The following TMPRSS6 variants were observed in gnomAD, a reference collection of about 807,000 sequenced individuals.
TMPRSS6 encodes transmembrane serine protease 6.
Under a neutral mutation model 101.5 loss-of-function variants are expected in TMPRSS6, and 67 were observed. That is an observed-to-expected ratio of 0.66 (90% CI 0.54 to 0.81). The LOEUF (loss-of-function observed/expected upper bound fraction) is 0.81. TMPRSS6 is among the 30% of genes least tolerant of loss of function. TMPRSS6 has a pLI of 0.00. For synonymous variants in TMPRSS6, 453 were observed against 464.9 expected, an observed-to-expected ratio of 0.97 and a Z score of 0.33; for missense variants, 1,034 against 1,088.7, an observed-to-expected ratio of 0.95 and a Z score of 0.71.
At chr22:37,070,775 G>T in intron 14 of TMPRSS6, 123 bp from the exon 15 acceptor site, 2 of 1,283,426 alleles carry the variant, frequency 1.6e-6, no homozygotes, top group Non-Finnish European at 2.2e-6. Flanking sequence ...GAGGGGGAGA[G>T]ACCATCAGGA....
Position 37,086,298 on chromosome 22 carries a change from G to A in TMPRSS6, c.958C>T (p.Pro320Ser). 6.2e-7 allele frequency: 1 copy of A among 1,614,052 alleles called. No homozygotes were observed. Among genetic ancestry groups the A allele is most frequent in the Non-Finnish European group, 8.5e-7 (1 of 1,179,994 alleles). ...GACCTCTCACCCTGGAAGACCACCG[G>A]CTGCACGGAGAGCACGAAGGGGTCG... ...YYDPFVLSVQ[P>S]VVFQACEVNL... Residue 320 changes from proline (P) to serine (S), a missense_variant, in exon 8 of 18, where the codon CCG becomes TCG. By Grantham distance (74) the Pro-to-Ser change is moderately conservative. Transcript: ENST00000676104.
intron 4 of TMPRSS6, 138 bp from the exon 5 acceptor site, chr22:37,096,228 C>A: frequency 2.1e-6 from 2 of 968,744 alleles, no homozygotes; most frequent in Non-Finnish European, 3.2e-6. Flanking sequence ...TCCTAGCGAC[C>A]TCTGAAGGAG....
chr22:37,067,199 G>A (rs372670205), intron 16 of TMPRSS6, among the ~76,000 whole-genome samples: 16 of 152,312 alleles, frequency 1.1e-4, no homozygotes, highest in African/African-American at 3.1e-4. Flanking sequence ...GGCCGGGCAC[G>A]GTGGCTCATG....
intron 1 of TMPRSS6, among the ~76,000 whole-genome samples, chr22:37,104,086 A>G (rs1930560350): frequency 6.6e-6 from 1 of 152,102 alleles, no homozygotes; most frequent in Non-Finnish European, 1.5e-5. Context: ...GGGATGTGGA[A>G]CCATTGTCCC....
At chr22:37,107,865 G>A (rs999893196) in intron 1 of TMPRSS6, among the ~76,000 whole-genome samples, 1 of 152,150 alleles carries the variant, frequency 6.6e-6, no homozygotes. Flanking sequence ...AGCAATTACA[G>A]AGGCCTAAAT....
chr22:37,073,949 A>C (rs1927382279), intron 12 of TMPRSS6, among the ~76,000 whole-genome samples: 1 of 152,070 alleles, frequency 6.6e-6, no homozygotes, highest in South Asian at 2.1e-4. Flanking sequence ...GGGTTTCACC[A>C]TGTTGGCCAG....
At position 37,065,882 on chromosome 22, in the gene TMPRSS6, C is replaced by A. The variant is rs1601508826; in HGVS notation, c.*198G>T. ...CCTGGGTCCTCAGGGGACGTCTTGA[C>A]CCCCAGCTGCTGGCACTTCTCCATC... On this transcript the variant is annotated 3_prime_UTR_variant, in exon 18 of 18. Transcript: ENST00000676104. The A allele has an allele frequency of 8.7e-6, 6 of 687,942 alleles. No homozygotes were observed. In the East Asian group the frequency reaches 1.6e-4, roughly 19 times the overall value. 42.6% of individuals were successfully genotyped at this position (687,942 alleles called of 1,614,324 possible).
At position 37,101,525 on chromosome 22, in the gene TMPRSS6, G is replaced by T. The variant is rs141519960; in HGVS notation, c.202+1691C>A. Among the ~76,000 whole-genome samples the T allele has an allele frequency of 3.9e-5, 6 of 152,080 alleles. No individual in the cohort carries two copies. The highest frequency in any genetic ancestry group is 8.8e-5 in the Non-Finnish European group (6 of 68,004). On this transcript the variant is annotated intron_variant, in intron 2 of 17. Coordinates refer to ENST00000676104, the MANE Select transcript of TMPRSS6 (RefSeq NM_001374504.1). This position sits in a 1 kb window ranked among gnomAD's most constrained non-coding sequence, Gnocchi z 4.1. ...CCTCCTCTTCCAGACAGGGCAGGGC[G>T]TGTCTCTGATCCACTTCCTTGCCCA...
At chr22:37,105,103 G>A (rs931089557) in intron 1 of TMPRSS6, among the ~76,000 whole-genome samples, 6 of 152,292 alleles carry the variant, frequency 3.9e-5, no homozygotes, top group South Asian at 2.1e-4. Flanking sequence ...CCAGGTGGAT[G>A]TGAAGGGCCC....
At chr22:37,068,601 G>A (rs1313257791) in intron 16 of TMPRSS6, 3 of 779,544 alleles carry the variant, frequency 3.8e-6, no homozygotes, top group South Asian at 2.7e-5. Context: ...AGTCCTCTCT[G>A]GCTGTGTGAC....
At chr22:37,079,104 T>C (rs908016420) in intron 10 of TMPRSS6, among the ~76,000 whole-genome samples, 3 of 152,220 alleles carry the variant, frequency 2.0e-5, no homozygotes, top group South Asian at 2.1e-4. Flanking sequence ...CCTGGCCCCT[T>C]GGCCCATCTG....
chr22:37,079,015 A>AAGAAAGAAAGAAAGAAAGAAAGAAAGAG (rs1387142117), intron 10 of TMPRSS6, among the ~76,000 whole-genome samples: 7 of 131,090 alleles, frequency 5.3e-5, no homozygotes, highest in East Asian at 2.5e-4. Context: ...GAAAGAAAGA[A>AAGAAAGAAAGAAAGAAAGAAAGAAAGAG]AGAGAAAGAG....
At chr22:37,072,701 C>T (rs111213325) in intron 13 of TMPRSS6, among the ~76,000 whole-genome samples, 53 of 56,814 alleles carry the variant, frequency 9.3e-4, no homozygotes, top group Middle Eastern at 0.019. Context: ...GGGTGATGGA[C>T]GGATGGATGA....
chr22:37,097,762 TCCTGTAACGGAGGGGCAGGAGTGGGC>T (rs1569023275), intron 3 of TMPRSS6, among the ~76,000 whole-genome samples: 1,595 of 92,036 alleles, frequency 0.017, 118 homozygotes, highest in African/African-American at 0.074. Flanking sequence ...GCGGCCACTG[TCCTGTAACGGAGGGGCAGGAGTGGGC>T]CACCGTCCTG....
At chr22:37,090,433 G>C (rs889549952) in intron 6 of TMPRSS6, among the ~76,000 whole-genome samples, 4 of 152,208 alleles carry the variant, frequency 2.6e-5, no homozygotes, top group Admixed American at 2.6e-4. Flanking sequence ...CTTCACTTCC[G>C]GTAGAGAGAA....
rs55841654 is a variant in TMPRSS6 at position 37,104,830 on chromosome 22, G to A, written c.-1-1412C>T. Among the ~76,000 whole-genome samples, 531 of 152,076 alleles carry A rather than the reference G, an allele frequency of 3.5e-3. 6 individuals carry two copies. Among genetic ancestry groups the A allele is most frequent in the African/African-American group, 0.012 (516 of 41,472 alleles). On this transcript the variant is annotated intron_variant, in intron 1 of 17. Coordinates refer to ENST00000676104, the MANE Select transcript of TMPRSS6 (RefSeq NM_001374504.1). ...ACAAAAATTAGCCGGCTGTGGTGGT[G>A]GGCACCTGTAATCCCAGCTACTCGG...
chr22:37,070,828 G>A (rs958616194), intron 14 of TMPRSS6, 88 bp downstream of exon 14: 2 of 1,411,844 alleles, frequency 1.4e-6, no homozygotes, highest in African/African-American at 1.4e-5. Flanking sequence ...GAGACCAGGG[G>A]ACAACAGTGA....
chr22:37,078,413 C>T (rs1443599418), intron 10 of TMPRSS6, among the ~76,000 whole-genome samples: 1 of 152,118 alleles, frequency 6.6e-6, no homozygotes, highest in Non-Finnish European at 1.5e-5. Context: ...TCCCCAGGGC[C>T]TCACCGTGTA....
At chr22:37,096,144 A>G (rs1929745219) in intron 4 of TMPRSS6, 54 bp from the exon 5 acceptor site, 1 of 1,597,342 alleles carries the variant, frequency 6.3e-7, no homozygotes, top group African/African-American at 1.3e-5. Context: ...GTCTGGCCCC[A>G]GCTCCACCCC....
Sources: allele counts gnomAD v4.1 joint callset (sites outside exome capture counted in the v4.1 genomes callset), GRCh38; gene constraint gnomAD v4.1.1; non-coding constraint Gnocchi (gnomAD v3.1); transcripts MANE v1.5; gene names NCBI Gene and HGNC (gene_info 2026-07-23, HGNC 2026-07-21).